The following LMNTD1 variants were observed in gnomAD, a reference collection of about 807,000 sequenced individuals.
The protein encoded by LMNTD1 is lamin tail domain-containing protein 1.
A neutral mutation model predicts 50.9 loss-of-function variants in LMNTD1; 35 were observed. The observed-to-expected ratio is 0.69, with a 90% CI of 0.53 to 0.91. The LOEUF (loss-of-function observed/expected upper bound fraction) is 0.91, where lower values mean the gene tolerates loss of function less well. Ranked by LOEUF, LMNTD1 falls within the 40% of genes least tolerant of loss-of-function variation. LMNTD1 has a pLI of 0.00. For missense variants in LMNTD1, 470 were observed against 475.5 expected, an observed-to-expected ratio of 0.99 and a Z score of 0.11; for synonymous variants, 153 against 161.9, an observed-to-expected ratio of 0.94 and a Z score of 0.42.
At chr12:25,648,169 C>A (rs1411814332) in intron 1 of LMNTD1, among the ~76,000 whole-genome samples, 1 of 152,180 alleles carries the variant, frequency 6.6e-6, no homozygotes, top group African/African-American at 2.4e-5. Context: ...TAGGATACCT[C>A]TTTTTACACA....
intron 1 of LMNTD1, among the ~76,000 whole-genome samples, chr12:25,645,993 G>A (rs1174288090): frequency 6.6e-6 from 1 of 152,102 alleles, no homozygotes; most frequent in Non-Finnish European, 1.5e-5. Context: ...TCCTTGTAGG[G>A]CCCTCATGGA....
chr12:25,541,452 G>C (rs1407763865), intron 4 of LMNTD1, among the ~76,000 whole-genome samples: 7 of 135,658 alleles, frequency 5.2e-5, no homozygotes, highest in South Asian at 2.5e-4. Flanking sequence ...ACAAACCTGA[G>C]AAAAACAAGC....
Position 25,526,155 on chromosome 12 carries a change from C to G in LMNTD1, c.742G>C (p.Asp248His), listed in dbSNP as rs1252614907. The G allele has an allele frequency of 6.2e-7, 1 of 1,610,656 alleles. No homozygotes were observed. Among genetic ancestry groups the G allele is most frequent in the Non-Finnish European group, 8.5e-7 (1 of 1,178,254 alleles). ...PPSDFLWKEQ[D>H]KFRASPDCIT... ...CAATCAGGACTTGCTCTAAACTTGTCTTGTTCCTTCCAAAGAAAATCTGAT... is the reference window on the plus strand; with the variant it reads ...CAATCAGGACTTGCTCTAAACTTGTGTTGTTCCTTCCAAAGAAAATCTGAT... Residue 248 changes from aspartate (D) to histidine (H), a missense_variant, in exon 6 of 10, where the codon GAC becomes CAC. Coordinates refer to ENST00000458174, the MANE Select transcript of LMNTD1 (RefSeq NM_001145728.2).
intron 1 of LMNTD1, among the ~76,000 whole-genome samples, chr12:25,604,576 C>T (rs891626525): frequency 3.0e-4 from 45 of 151,890 alleles, no homozygotes; most frequent in African/African-American, 1.1e-3. Context: ...TCAATTCCCA[C>T]CTATGAGTGA....
intron 9 of LMNTD1, among the ~76,000 whole-genome samples, chr12:25,480,879 G>A (rs1044866490): frequency 6.6e-6 from 1 of 152,186 alleles, no homozygotes; most frequent in Non-Finnish European, 1.5e-5. Context: ...TCTCACAGGT[G>A]GGCCTGTCTA....
intron 1 of LMNTD1, among the ~76,000 whole-genome samples, chr12:25,582,172 AAAG>A (rs546086687): frequency 2.8e-4 from 42 of 152,312 alleles, no homozygotes; most frequent in African/African-American, 8.4e-4. Flanking sequence ...AGAGTGACCA[AAAG>A]AAGAATTACA....
intron 1 of LMNTD1, among the ~76,000 whole-genome samples, chr12:25,561,756 T>C (rs1944337467): frequency 6.6e-6 from 1 of 152,154 alleles, no homozygotes; most frequent in Non-Finnish European, 1.5e-5. Context: ...AAATCTCCCA[T>C]TATTATTCTG....
intron 1 of LMNTD1, among the ~76,000 whole-genome samples, chr12:25,645,644 C>G (rs373458318): frequency 1.3e-5 from 2 of 152,106 alleles, no homozygotes; most frequent in African/African-American, 4.8e-5. Flanking sequence ...TAGATCTGAG[C>G]GATACAGCAA....
intron 1 of LMNTD1, among the ~76,000 whole-genome samples, chr12:25,639,204 T>C (rs1285175189): frequency 2.0e-5 from 3 of 152,284 alleles, no homozygotes; most frequent in South Asian, 2.1e-4. Context: ...GTTAGAACTA[T>C]GAAACTTTGA....
intron 1 of LMNTD1, among the ~76,000 whole-genome samples, chr12:25,647,949 C>T (rs1947109416): frequency 6.6e-6 from 1 of 152,034 alleles, no homozygotes; most frequent in Admixed American, 6.5e-5. Flanking sequence ...TCCTTTCCTT[C>T]CTTCATTCCT....
intron 1 of LMNTD1, among the ~76,000 whole-genome samples, chr12:25,571,042 A>T (rs1944766403): frequency 1.3e-5 from 2 of 152,216 alleles, no homozygotes; most frequent in African/African-American, 4.8e-5. Flanking sequence ...CTCAGTGCTC[A>T]GCAGAGCCCC....
intron 1 of LMNTD1, among the ~76,000 whole-genome samples, chr12:25,559,889 G>T (rs1172648015): frequency 6.6e-6 from 1 of 151,938 alleles, no homozygotes; most frequent in African/African-American, 2.4e-5. Flanking sequence ...TTTTTGATGG[G>T]GTTGATTTTT....
intron 9 of LMNTD1, among the ~76,000 whole-genome samples, chr12:25,487,116 T>C (rs1938674826): frequency 1.3e-5 from 2 of 148,720 alleles, no homozygotes; most frequent in Admixed American, 1.4e-4. Context: ...TTCTGTTGAT[T>C]TGGGGTGGAG....
chr12:25,519,444 C>G (rs568456335), intron 7 of LMNTD1, among the ~76,000 whole-genome samples: 1 of 151,538 alleles, frequency 6.6e-6, no homozygotes, highest in Non-Finnish European at 1.5e-5. Context: ...AAAAATTAGC[C>G]GGGCGTGGTG....
intron 1 of LMNTD1, among the ~76,000 whole-genome samples, chr12:25,573,134 T>C (rs910884622): frequency 2.0e-5 from 3 of 152,114 alleles, no homozygotes; most frequent in Non-Finnish European, 4.4e-5. Context: ...ATTCAGAGAA[T>C]CCATCTGGTC....
At chr12:25,602,823 C>T (rs183458613) in intron 1 of LMNTD1, among the ~76,000 whole-genome samples, 2 of 152,088 alleles carry the variant, frequency 1.3e-5, no homozygotes, top group East Asian at 1.9e-4. Context: ...CTGAAACAAA[C>T]GAAGAATTCA....
intron 4 of LMNTD1, among the ~76,000 whole-genome samples, chr12:25,537,883 C>T (rs1270459319): frequency 1.3e-5 from 2 of 148,152 alleles, no homozygotes; most frequent in African/African-American, 4.9e-5. Context: ...CTTAAAGGAG[C>T]TGATGGAGCT....
At chr12:25,603,904 GA>G (rs1251647195) in intron 1 of LMNTD1, among the ~76,000 whole-genome samples, 1 of 151,750 alleles carries the variant, frequency 6.6e-6, no homozygotes. Context: ...GCAAGTCAGG[GA>G]AATTGTAGAT....
chr12:25,489,816 T>C (rs1000824583), intron 9 of LMNTD1, among the ~76,000 whole-genome samples: 2 of 152,234 alleles, frequency 1.3e-5, no homozygotes, highest in African/African-American at 4.8e-5. Flanking sequence ...ATTTCAAATA[T>C]TTGAAAGCAC....
Sources: gnomAD v4.1 joint callset for allele counts (sites outside exome capture counted in the v4.1 genomes callset) on GRCh38, gnomAD v4.1.1 for gene constraint, MANE v1.5 for transcripts, NCBI Gene and HGNC (gene_info 2026-07-23, HGNC 2026-07-21) for gene names.